Variants in NRXN1 observed in about 807,000 individuals in gnomAD.
NRXN1 encodes neurexin 1.
In NRXN1, 39 loss-of-function variants were observed where a neutral mutation model predicts 150.9. That is an observed-to-expected ratio of 0.26 (90% CI 0.20 to 0.34). The LOEUF (loss-of-function observed/expected upper bound fraction) is 0.34. Ranked by LOEUF, NRXN1 falls within the 10% of genes least tolerant of loss-of-function variation. NRXN1 has a pLI of 1.00. For missense variants in NRXN1, 1,815 were observed against 1,949.9 expected, an observed-to-expected ratio of 0.93 and a Z score of 1.30; for synonymous variants, 924 against 757.0, an observed-to-expected ratio of 1.22 and a Z score of -3.62.
chr2:50,467,327 C>T (rs2088994253), intron 16 of NRXN1, among the ~76,000 whole-genome samples: 1 of 151,446 alleles, frequency 6.6e-6, no homozygotes, highest in Non-Finnish European at 1.5e-5. Context: ...ACCTAAATAG[C>T]TTTAGAGTAT....
chr2:50,857,996 C>T (rs1675515277), intron 5 of NRXN1, among the ~76,000 whole-genome samples: 1 of 151,944 alleles, frequency 6.6e-6, no homozygotes, highest in Non-Finnish European at 1.5e-5. Context: ...TTGGTTACAG[C>T]TATGGGTATC....
intron 18 of NRXN1, among the ~76,000 whole-genome samples, chr2:50,117,908 T>C (rs527804518): frequency 1.3e-5 from 2 of 152,134 alleles, no homozygotes; most frequent in Non-Finnish European, 2.9e-5. Context: ...AAATTTAATG[T>C]AATTACTTTT....
intron 5 of NRXN1, among the ~76,000 whole-genome samples, chr2:50,817,142 G>C (rs1336481006): frequency 1.3e-5 from 2 of 152,130 alleles, no homozygotes; most frequent in South Asian, 4.1e-4. Flanking sequence ...GAACAAGAAA[G>C]CTATCTTAAA....
chr2:49,941,597 T>C (rs1036625680), intron 22 of NRXN1, among the ~76,000 whole-genome samples: 6 of 152,154 alleles, frequency 3.9e-5, no homozygotes, highest in Non-Finnish European at 7.3e-5. Flanking sequence ...GTAAGGATTC[T>C]GCAACAAGAG....
chr2:50,513,812 A>T (rs1558862772), intron 12 of NRXN1, among the ~76,000 whole-genome samples: 1 of 152,188 alleles, frequency 6.6e-6, no homozygotes, highest in South Asian at 2.1e-4. Context: ...GAAACTTGAA[A>T]AAAAACAAAA....
At chr2:50,946,632 G>C (rs940141183) in intron 2 of NRXN1, among the ~76,000 whole-genome samples, 3 of 151,918 alleles carry the variant, frequency 2.0e-5, no homozygotes, top group Non-Finnish European at 4.4e-5. Flanking sequence ...CATTATAATG[G>C]AACTTTTACT....
chr2:50,923,195 G>T (rs1686337677), intron 3 of NRXN1, among the ~76,000 whole-genome samples: 2 of 151,840 alleles, frequency 1.3e-5, no homozygotes, highest in African/African-American at 4.8e-5. Context: ...AAATGATAAT[G>T]CAGAAATGTC....
At chr2:50,154,258 T>C (rs1381317049) in intron 18 of NRXN1, among the ~76,000 whole-genome samples, 4 of 151,706 alleles carry the variant, frequency 2.6e-5, no homozygotes, top group Non-Finnish European at 4.4e-5. Flanking sequence ...TTGAGTACAA[T>C]GTATACTGCT....
intron 17 of NRXN1, among the ~76,000 whole-genome samples, chr2:50,458,981 G>C (rs1191138445): frequency 6.6e-6 from 1 of 151,854 alleles, no homozygotes; most frequent in Non-Finnish European, 1.5e-5. Flanking sequence ...AATTTAAATG[G>C]CATGCATATA....
At position 50,343,978 on chromosome 2, in the gene NRXN1, T is replaced by G. The variant is rs1405290453; in HGVS notation, c.3365-107008A>C. On this transcript the variant is annotated intron_variant, in intron 17 of 22. Coordinates refer to ENST00000401669, the MANE Select transcript of NRXN1 (RefSeq NM_001330078.2). ...GAACTAAACCTCATTTTCACTTGTC[T>G]TGACTTTCAGCTATGAATTTATCAT... Among the ~76,000 whole-genome samples the G allele has an allele frequency of 2.0e-5, 3 of 152,342 alleles. No individual in the cohort carries two copies. In the East Asian group the frequency reaches 5.8e-4, roughly 29 times the overall value.
chr2:50,648,041 TTA>T (rs1033725442), intron 5 of NRXN1, among the ~76,000 whole-genome samples: 21 of 152,090 alleles, frequency 1.4e-4, no homozygotes, highest in African/African-American at 4.6e-4. Context: ...ATGAATATTT[TTA>T]TGACCAAGAA....
chr2:50,151,627 T>C (rs1336680791), intron 18 of NRXN1, among the ~76,000 whole-genome samples: 1 of 151,658 alleles, frequency 6.6e-6, no homozygotes, highest in Non-Finnish European at 1.5e-5. Context: ...CAATAAATAA[T>C]ATGGGATAGA....
At chr2:50,612,055 T>C (rs912465152) in intron 8 of NRXN1, among the ~76,000 whole-genome samples, 5 of 152,168 alleles carry the variant, frequency 3.3e-5, no homozygotes, top group African/African-American at 9.7e-5. Flanking sequence ...TGAAGTGAGA[T>C]TGTAATATGA....
At chr2:50,903,514 T>C (rs1683238623) in intron 5 of NRXN1, among the ~76,000 whole-genome samples, 1 of 152,138 alleles carries the variant, frequency 6.6e-6, no homozygotes, top group Non-Finnish European at 1.5e-5. Context: ...TGTTTTGGTT[T>C]TTGTTTTTTG....
chr2:50,222,837 C>G (rs1223687104), intron 18 of NRXN1, among the ~76,000 whole-genome samples: 2 of 151,780 alleles, frequency 1.3e-5, no homozygotes. Flanking sequence ...TGTACCTATA[C>G]TATACACAAA....
chr2:50,162,900 CTT>C (rs1327137145), intron 18 of NRXN1, among the ~76,000 whole-genome samples: 7 of 151,848 alleles, frequency 4.6e-5, no homozygotes, highest in African/African-American at 7.2e-5. Context: ...TATACTCTCT[CTT>C]GTTAAAAATG....
At chr2:50,925,876 C>G (rs1021841150) in intron 3 of NRXN1, 62 bp downstream of exon 3, 1 of 1,261,768 alleles carries the variant, frequency 7.9e-7, no homozygotes, top group African/African-American at 1.5e-5. Context: ...AAGATGTACC[C>G]TATTAGTACT....
chr2:50,742,607 CAAAAA>C (rs376431319), intron 5 of NRXN1, among the ~76,000 whole-genome samples: 1 of 69,864 alleles, frequency 1.4e-5, no homozygotes. Context: ...GACTCCGTCT[CAAAAA>C]AAAAAAAAAA....
At chr2:49,945,619 T>C (rs1672754631) in intron 21 of NRXN1, among the ~76,000 whole-genome samples, 1 of 152,088 alleles carries the variant, frequency 6.6e-6, no homozygotes, top group African/African-American at 2.4e-5. Flanking sequence ...CTCCCACTTA[T>C]GAGTGAGAAT....
Sources: allele counts gnomAD v4.1 joint callset (sites outside exome capture counted in the v4.1 genomes callset), GRCh38; gene constraint gnomAD v4.1.1; transcripts MANE v1.5; gene names NCBI Gene and HGNC (gene_info 2026-07-23, HGNC 2026-07-21).